The following MIER1 variants were observed in gnomAD, a reference collection of about 807,000 sequenced individuals.
The protein encoded by MIER1 is MIER1 transcriptional regulator.
MIER1 carries 40 observed loss-of-function variants against 75.7 expected under a neutral mutation model. The observed-to-expected ratio is 0.53, with a 90% CI of 0.41 to 0.69. The LOEUF is 0.69. Ranked by LOEUF, MIER1 falls within the 30% of genes least tolerant of loss-of-function variation. The pLI is 0.00. For missense variants in MIER1, 574 were observed against 680.2 expected, an observed-to-expected ratio of 0.84 and a Z score of 1.74; for synonymous variants, 213 against 223.4, an observed-to-expected ratio of 0.95 and a Z score of 0.42.
intron 4 of MIER1, among the ~76,000 whole-genome samples, chr1:66,951,244 C>A (rs1658869275): frequency 6.6e-6 from 1 of 152,152 alleles, no homozygotes; most frequent in South Asian, 2.1e-4. Flanking sequence ...ATCCACCTGC[C>A]TCACCTCCCA....
At chr1:66,968,652 C>G (rs1662920613) in intron 8 of MIER1, among the ~76,000 whole-genome samples, 1 of 152,192 alleles carries the variant, frequency 6.6e-6, no homozygotes, top group South Asian at 2.1e-4. Context: ...ACTCCTAATT[C>G]AAACAGTTAA....
rs542231677 is a variant in MIER1, at chr1:66,941,698, C to A, written c.193+1646C>A. On this transcript the variant is annotated intron_variant, in intron 3 of 13. Transcript: ENST00000401041. ...GAAGAATACAAATGTTGGCCAGGTG[C>A]AGTGGCTCATGCCTGTAATCCCAAC... 2.0e-5 allele frequency among the ~76,000 whole-genome samples: 3 copies of A among 152,234 alleles called. No homozygotes were observed. In the East Asian group the frequency reaches 5.8e-4, roughly 29 times the overall value.
intron 2 of MIER1, among the ~76,000 whole-genome samples, chr1:66,937,607 ATG>A (rs1183476606): frequency 6.6e-6 from 1 of 151,506 alleles, no homozygotes; most frequent in Non-Finnish European, 1.5e-5. Context: ...AGAAAAGAAA[ATG>A]TGTAGCACTA....
At chr1:66,948,130 C>T in intron 4 of MIER1, 2 of 887,006 alleles carry the variant, frequency 2.3e-6, no homozygotes, top group Non-Finnish European at 2.7e-6. Context: ...AATAAAATGA[C>T]TGTTATTCAC....
chr1:66,958,443 T>G (rs1660602534), intron 5 of MIER1, among the ~76,000 whole-genome samples: 1 of 147,328 alleles, frequency 6.8e-6, no homozygotes, highest in Non-Finnish European at 1.5e-5. Flanking sequence ...TTTTTTCCAG[T>G]GCTTATTCTA....
intron 2 of MIER1, among the ~76,000 whole-genome samples, chr1:66,934,569 C>T (rs1298222926): frequency 3.2e-5 from 3 of 94,590 alleles, no homozygotes; most frequent in Non-Finnish European, 6.0e-5. Context: ...CCATCATGCC[C>T]GGCTTTTTTT....
chr1:66,946,679 C>A, intron 4 of MIER1: 1 of 990,902 alleles, frequency 1.0e-6, no homozygotes, highest in Non-Finnish European at 1.2e-6. Flanking sequence ...ATTTTCCATT[C>A]ACTACATAAA....
At chr1:66,935,407 C>G (rs1197349691) in intron 2 of MIER1, among the ~76,000 whole-genome samples, 1 of 152,148 alleles carries the variant, frequency 6.6e-6, no homozygotes, top group Non-Finnish European at 1.5e-5. Flanking sequence ...CTTTCTGTCT[C>G]TCTAGTGTTG....
intron 8 of MIER1, among the ~76,000 whole-genome samples, chr1:66,967,436 C>T (rs532448296): frequency 5.9e-5 from 9 of 152,090 alleles, no homozygotes; most frequent in Non-Finnish European, 4.4e-5. Flanking sequence ...TGTGATTCCT[C>T]CAGTTTTGTT....
chr1:66,951,603 CA>C (rs774959137), intron 4 of MIER1, among the ~76,000 whole-genome samples: 24 of 151,074 alleles, frequency 1.6e-4, no homozygotes, highest in Non-Finnish European at 2.9e-4. Flanking sequence ...TTTTTAGAGA[CA>C]GGGTCTCGTT....
chr1:66,926,549 G>GA (rs1651838755), intron 2 of MIER1, among the ~76,000 whole-genome samples: 1 of 152,152 alleles, frequency 6.6e-6, no homozygotes, highest in Admixed American at 6.5e-5. Context: ...AACAAAAAAT[G>GA]AAACTAACGA....
chr1:66,970,759 C>T (rs1404417905), intron 8 of MIER1, 49 bp from the exon 9 acceptor site: 1 of 1,374,448 alleles, frequency 7.3e-7, no homozygotes, highest in East Asian at 2.5e-5. Context: ...TTAACACAAA[C>T]TCTATCAGTT....
At chr1:66,955,263 G>T (rs1251178212) in intron 4 of MIER1, among the ~76,000 whole-genome samples, 1 of 148,944 alleles carries the variant, frequency 6.7e-6, no homozygotes, top group African/African-American at 2.5e-5. Flanking sequence ...TGATTTGCAG[G>T]TATCTTATCC....
At chr1:66,962,478 G>C (rs1661448660) in intron 7 of MIER1, among the ~76,000 whole-genome samples, 1 of 152,258 alleles carries the variant, frequency 6.6e-6, no homozygotes, top group East Asian at 1.9e-4. Context: ...CCTGTCCCCA[G>C]AGTTTCAGTA....
chr1:66,981,765 T>C lies in MIER1; in HGVS notation c.1230-14T>C. 6.4e-7 allele frequency: 1 copy of C among 1,573,088 alleles called. No individual in the cohort carries two copies. Among genetic ancestry groups the C allele is most frequent in the Non-Finnish European group, 8.6e-7 (1 of 1,162,352 alleles). ...AGCTCTTTTTAATATAAAAATTGTT[T>C]TATTAATTTTAAGGGATTACATGGA... On this transcript the variant is annotated splice_polypyrimidine_tract_variant and intron_variant, in intron 12 of 13. Coordinates refer to ENST00000401041, the MANE Select transcript of MIER1 (RefSeq NM_001077700.3).
At position 66,967,236 on chromosome 1, in the gene MIER1, T is replaced by G. The variant is rs1049336994; in HGVS notation, c.773-3572T>G. On this transcript the variant is annotated intron_variant, in intron 8 of 13. Transcript: ENST00000401041. ...TTCTTCTGCATATGGATATCCAGTTTCCCAGCACCATTTATTGAAGAGACT... is the reference window on the plus strand; with the variant it reads ...TTCTTCTGCATATGGATATCCAGTTGCCCAGCACCATTTATTGAAGAGACT... Among the ~76,000 whole-genome samples the G allele has an allele frequency of 2.0e-5, 3 of 152,198 alleles. No homozygotes were observed. The East Asian group carries it at 5.8e-4, about 29-fold the overall frequency.
chr1:66,937,443 G>A (rs1458148591), intron 2 of MIER1, among the ~76,000 whole-genome samples: 1 of 152,070 alleles, frequency 6.6e-6, no homozygotes, highest in Non-Finnish European at 1.5e-5. Context: ...AAGTTAGCGA[G>A]CCATGGTGGC....
At chr1:66,970,648 A>T (rs981882622) in intron 8 of MIER1, among the ~76,000 whole-genome samples, 160 bp from the exon 9 acceptor site, 1 of 152,124 alleles carries the variant, frequency 6.6e-6, no homozygotes, top group Non-Finnish European at 1.5e-5. Context: ...ATTTACTTAA[A>T]CTATAGTTTT....
chr1:66,936,998 C>CA (rs751644771), intron 2 of MIER1, among the ~76,000 whole-genome samples: 2,281 of 67,894 alleles, frequency 0.034, 70 homozygotes, highest in Non-Finnish European at 0.047. Context: ...GACTCCATCT[C>CA]AAAAAAAAAA....
Sources: allele counts gnomAD v4.1 joint callset (sites outside exome capture counted in the v4.1 genomes callset), GRCh38; gene constraint gnomAD v4.1.1; transcripts MANE v1.5; gene names NCBI Gene and HGNC (gene_info 2026-07-23, HGNC 2026-07-21).